The following FLI1 variants were observed in gnomAD, a reference collection of about 807,000 sequenced individuals.
FLI1 encodes Fli-1 proto-oncogene, ETS transcription factor, also known as Friend leukemia integration 1 transcription factor.
A neutral mutation model predicts 53.1 loss-of-function variants in FLI1; 13 were observed. The ratio of observed to expected loss-of-function variants is 0.24; its 90% CI spans 0.16 to 0.39. The LOEUF is 0.39. FLI1 is among the 10% of genes least tolerant of loss of function. The probability of loss-of-function intolerance (pLI) is 1.00; values close to 1 mark genes in which losing one functional copy is unlikely to be tolerated. For missense variants in FLI1, 424 were observed against 600.5 expected (o/e 0.71, Z 3.07); for synonymous variants, 244 against 236.7 (o/e 1.03, Z -0.28).
intron 1 of FLI1, among the ~76,000 whole-genome samples, chr11:128,713,680 T>C (rs112260267): frequency 0.013 from 1,895 of 150,874 alleles, 43 homozygotes; most frequent in African/African-American, 0.043. Context: ...AAAGGGGAAG[T>C]ATGGGGTGCC....
chr11:128,787,861 C>T (rs952274310), intron 5 of FLI1, among the ~76,000 whole-genome samples: 4 of 141,116 alleles, frequency 2.8e-5, no homozygotes, highest in Admixed American at 7.5e-5. Context: ...GGCTGGAGTG[C>T]GGTGGCGTGA....
chr11:128,732,079 G>T (rs1427806970), intron 1 of FLI1, among the ~76,000 whole-genome samples: 1 of 152,064 alleles, frequency 6.6e-6, no homozygotes, highest in African/African-American at 2.4e-5. Context: ...GAGAAGAGAT[G>T]AGTGGTAAAT....
intron 1 of FLI1, among the ~76,000 whole-genome samples, chr11:128,736,155 C>G (rs551245375): frequency 2.0e-5 from 3 of 152,104 alleles, no homozygotes; most frequent in African/African-American, 4.8e-5. Flanking sequence ...TCAACCACCC[C>G]CTAAGTCCCC....
chr11:128,695,838 G>C (rs1298119432), intron 1 of FLI1: 1 of 152,180 alleles, frequency 6.6e-6, no homozygotes, highest in Non-Finnish European at 1.5e-5. Flanking sequence ...AAGTGTCTCT[G>C]TATTTCTGGG....
At chr11:128,705,031 G>C (rs540852103) in intron 1 of FLI1, among the ~76,000 whole-genome samples, 81 of 152,274 alleles carry the variant, frequency 5.3e-4, no homozygotes, top group Admixed American at 1.9e-3. Context: ...AAATAGAAAA[G>C]CAATTATTGG....
At chr11:128,705,250 C>A (rs555750307) in intron 1 of FLI1, among the ~76,000 whole-genome samples, 1 of 152,364 alleles carries the variant, frequency 6.6e-6, no homozygotes, top group East Asian at 1.9e-4. Context: ...CAATTCTTCA[C>A]AACTCTTTAT....
At chr11:128,787,968 A>G (rs746319164) in intron 5 of FLI1, among the ~76,000 whole-genome samples, 1 of 151,518 alleles carries the variant, frequency 6.6e-6, no homozygotes. Context: ...CACCACGCCC[A>G]GCTAATTTTT....
In FLI1 at chr11:128,811,085, C is replaced by A; in HGVS notation, c.*97C>A. On this transcript the variant is annotated 3_prime_UTR_variant, in exon 9 of 9. Coordinates refer to ENST00000527786, the MANE Select transcript of FLI1 (RefSeq NM_002017.5). Reference sequence around the variant, plus strand: ...GACATATGTGGCCTTGAAGGGAAGACAAAACTGGATGTTCTTTCTTGTTGG... The same window carrying A: ...GACATATGTGGCCTTGAAGGGAAGAAAAAACTGGATGTTCTTTCTTGTTGG... 1.8e-6 allele frequency: 2 copies of A among 1,124,054 alleles called. No individual in the cohort carries two copies. 69.6% of individuals were successfully genotyped at this position (1,124,054 alleles called of 1,614,324 possible). A position where few individuals can be genotyped will look rare whatever the true frequency, so the allele number is the denominator to read the frequency against.
At chr11:128,694,556 G>T (rs1467222298) in intron 1 of FLI1, among the ~76,000 whole-genome samples, 1 of 102,396 alleles carries the variant, frequency 9.8e-6, no homozygotes, top group Non-Finnish European at 2.0e-5. Flanking sequence ...GCTGCAGGAG[G>T]GGACGGCGGG....
Position 128,694,138 on chromosome 11 carries a change from C to T in FLI1, c.-121C>T. On this transcript the variant is annotated 5_prime_UTR_variant, in exon 1 of 9. It adds an upstream start codon to the 5' untranslated region. Transcript: ENST00000527786. ...GAGGGCAGGGCGCTCGCAGGGGGCA[C>T]GCAGGGAGGGCCCAGGGCGCCAGGG... is the stretch of plus-strand genomic sequence containing the variant. 1 of 1,099,804 alleles carries T rather than the reference C, an allele frequency of 9.1e-7. No homozygotes were observed. The highest frequency in any genetic ancestry group is 1.8e-5 in the South Asian group (1 of 55,386). 68.1% of individuals were successfully genotyped at this position (1,099,804 alleles called of 1,614,324 possible). A position where few individuals can be genotyped will look rare whatever the true frequency, so the allele number is the denominator to read the frequency against.
chr11:128,728,565 G>T (rs1353856341), intron 1 of FLI1, among the ~76,000 whole-genome samples: 1 of 152,218 alleles, frequency 6.6e-6, no homozygotes, highest in African/African-American at 2.4e-5. Context: ...CAGGTTCTAT[G>T]CCTTCTCTTG....
intron 4 of FLI1, among the ~76,000 whole-genome samples, chr11:128,777,801 C>T (rs557291400): frequency 2.0e-5 from 3 of 152,260 alleles, no homozygotes; most frequent in African/African-American, 7.2e-5. Context: ...ATGGTCACAG[C>T]GAGGCAGGAG....
At chr11:128,725,132 A>T (rs1939419880) in intron 1 of FLI1, among the ~76,000 whole-genome samples, 1 of 152,198 alleles carries the variant, frequency 6.6e-6, no homozygotes. Flanking sequence ...AGAGCTGAAG[A>T]TGAGTAGTTT....
chr11:128,722,169 A>G (rs1327991635), intron 1 of FLI1, among the ~76,000 whole-genome samples: 1 of 152,232 alleles, frequency 6.6e-6, no homozygotes, highest in Admixed American at 6.5e-5. Flanking sequence ...TTACCCCCTG[A>G]CGTGACTTAA....
In FLI1 at chr11:128,777,382, G is replaced by A. The variant is rs371421570; in HGVS notation, c.589+4397G>A. ...GAAACTGCGTCTTCAAACAGTGGCT[G>A]CTCAAAAGAATGAAACTGCGCGACC... On this transcript the variant is annotated intron_variant, in intron 4 of 8. Transcript: ENST00000527786. Among the ~76,000 whole-genome samples, 68 of 152,336 alleles carry A rather than the reference G, an allele frequency of 4.5e-4. No homozygotes were observed. In the East Asian group the frequency reaches 8.5e-3, roughly 19 times the overall value.
upstream of FLI1, chr11:128,693,518 C>A (rs12420835): frequency 0.43 from 77,613 of 180,280 alleles, 17,403 homozygotes; most frequent in Non-Finnish European, 0.45. Context: ...TCCATACCCC[C>A]CCTACCCCAC....
chr11:128,768,060 G>A, intron 2 of FLI1, 58 bp from the exon 3 acceptor site: 4 of 1,496,406 alleles, frequency 2.7e-6, no homozygotes, highest in South Asian at 1.3e-5. Context: ...TTCAGAGGCT[G>A]AGGCAAGCTG....
intron 1 of FLI1, among the ~76,000 whole-genome samples, chr11:128,751,601 A>G (rs1940648394): frequency 6.6e-6 from 1 of 151,286 alleles, no homozygotes; most frequent in African/African-American, 2.4e-5. Flanking sequence ...ATCTCGGCTC[A>G]CTGCAAGCTC....
intron 1 of FLI1, among the ~76,000 whole-genome samples, chr11:128,716,316 C>T (rs576003902): frequency 6.6e-6 from 1 of 152,242 alleles, no homozygotes; most frequent in South Asian, 2.1e-4. Context: ...TAAACAGATC[C>T]TCAGCAGCAG....
Sources: allele counts gnomAD v4.1 joint callset (sites outside exome capture counted in the v4.1 genomes callset), GRCh38; gene constraint gnomAD v4.1.1; transcripts MANE v1.5; gene names NCBI Gene and HGNC (gene_info 2026-07-23, HGNC 2026-07-21).